Variants in TMED3 observed in about 807,000 individuals in gnomAD.
TMED3 encodes transmembrane emp24 domain-containing protein 3.
In TMED3, 9 loss-of-function variants were observed where a neutral mutation model predicts 15.0. That is an observed-to-expected ratio of 0.60 (90% CI 0.36 to 1.04). The LOEUF is 1.04. Among genes scored for constraint, TMED3 ranks in the 50% least tolerant of loss-of-function variants. The pLI is 0.01. For synonymous variants in TMED3, 117 were observed against 121.4 expected (o/e 0.96, Z 0.24); for missense variants, 267 against 278.9 (o/e 0.96, Z 0.30).
intron 2 of TMED3, among the ~76,000 whole-genome samples, chr15:79,331,126 G>T (rs2058806601): frequency 6.6e-6 from 1 of 152,120 alleles, no homozygotes; most frequent in African/African-American, 2.4e-5. Context: ...AGATTGTGAG[G>T]ACAGCACCAA....
chr15:79,388,761 T>C (rs1893660035), intron 2 of TMED3, among the ~76,000 whole-genome samples: 1 of 152,142 alleles, frequency 6.6e-6, no homozygotes, highest in East Asian at 1.9e-4. Context: ...ATATACTGTT[T>C]TTTGGTGTTT....
intron 2 of TMED3, among the ~76,000 whole-genome samples, chr15:79,375,083 A>G (rs1893401976): frequency 6.6e-6 from 1 of 152,206 alleles, no homozygotes; most frequent in Non-Finnish European, 1.5e-5. Flanking sequence ...TAAAGTCCTG[A>G]AAAAATGTCT....
chr15:79,352,296 C>T (rs533613841), intron 2 of TMED3, among the ~76,000 whole-genome samples: 3 of 152,292 alleles, frequency 2.0e-5, no homozygotes, highest in South Asian at 4.1e-4. Flanking sequence ...CTGGCTTCAT[C>T]CCCAGAAGGC....
At chr15:79,350,500 G>A (rs2058887713) in intron 2 of TMED3, among the ~76,000 whole-genome samples, 1 of 152,102 alleles carries the variant, frequency 6.6e-6, no homozygotes, top group South Asian at 2.1e-4. Flanking sequence ...GGGGTTTAAT[G>A]TTTGAGGGCA....
chr15:79,340,834 A>G (rs2141228592), intron 2 of TMED3, among the ~76,000 whole-genome samples: 1 of 152,314 alleles, frequency 6.6e-6, no homozygotes, highest in East Asian at 1.9e-4. Context: ...TCACTTATCA[A>G]GTATGAATTG....
intron 2 of TMED3, among the ~76,000 whole-genome samples, chr15:79,340,789 C>T (rs1182863389): frequency 6.6e-6 from 1 of 152,122 alleles, no homozygotes; most frequent in African/African-American, 2.4e-5. Flanking sequence ...ATACATCATT[C>T]CTTCATGTAT....
chr15:79,408,228 C>T (rs1250824534), intron 2 of TMED3, among the ~76,000 whole-genome samples: 2 of 152,218 alleles, frequency 1.3e-5, no homozygotes, highest in Non-Finnish European at 2.9e-5. Flanking sequence ...AGAGATCTTC[C>T]TTATGCAGGT....
At chr15:79,316,771 C>T (rs571669823) in intron 2 of TMED3, among the ~76,000 whole-genome samples, 3 of 152,196 alleles carry the variant, frequency 2.0e-5, no homozygotes, top group South Asian at 2.1e-4. Flanking sequence ...CTTAGCAGGG[C>T]GGAAGGTCAC....
intron 2 of TMED3, among the ~76,000 whole-genome samples, chr15:79,390,175 G>T (rs1336461259): frequency 6.6e-6 from 1 of 152,096 alleles, no homozygotes; most frequent in East Asian, 1.9e-4. Flanking sequence ...CCAGTTCTCA[G>T]AGGGAATGCT....
intron 2 of TMED3, among the ~76,000 whole-genome samples, chr15:79,367,497 C>T (rs1283994381): frequency 6.6e-6 from 1 of 152,196 alleles, no homozygotes; most frequent in African/African-American, 2.4e-5. Flanking sequence ...CTAATGCAAG[C>T]CCAAGTCCTA....
At chr15:79,313,678 G>A (rs765770098) in intron 1 of TMED3, 79 bp from the exon 2 acceptor site, 237 of 1,517,570 alleles carry the variant, frequency 1.6e-4, no homozygotes, top group Non-Finnish European at 1.9e-4. Context: ...TGTTTGTAGA[G>A]TCTGATCACA....
intron 2 of TMED3, among the ~76,000 whole-genome samples, chr15:79,371,520 A>T (rs1166296957): frequency 6.6e-6 from 1 of 152,172 alleles, no homozygotes; most frequent in African/African-American, 2.4e-5. Context: ...AGAATGGGAG[A>T]AATTTCTCAA....
intron 2 of TMED3, among the ~76,000 whole-genome samples, chr15:79,329,845 A>G (rs1470830500): frequency 6.6e-6 from 1 of 152,178 alleles, no homozygotes; most frequent in Non-Finnish European, 1.5e-5. Context: ...GTGGACCACA[A>G]TTTTTTTAAG....
chr15:79,399,611 C>T (rs1893808390), intron 2 of TMED3, among the ~76,000 whole-genome samples: 1 of 152,134 alleles, frequency 6.6e-6, no homozygotes, highest in South Asian at 2.1e-4. Context: ...GAAATGTGTC[C>T]TTTATCCGGC....
chr15:79,325,130 TCTAA>T (rs977886685), downstream of TMED3, among the ~76,000 whole-genome samples: 1 of 152,222 alleles, frequency 6.6e-6, no homozygotes, highest in African/African-American at 2.4e-5. Context: ...GACCTCTGAC[TCTAA>T]CTGAGGTTCT....
chr15:79,375,538 C>G (rs945910618), intron 2 of TMED3, among the ~76,000 whole-genome samples: 2 of 152,152 alleles, frequency 1.3e-5, no homozygotes, highest in Non-Finnish European at 2.9e-5. Context: ...AGAGTATCCA[C>G]TTCTGGGGAG....
At chr15:79,353,372 TAA>T (rs1431211821) in intron 2 of TMED3, among the ~76,000 whole-genome samples, 1 of 119,786 alleles carries the variant, frequency 8.3e-6, no homozygotes, top group East Asian at 2.3e-4. Flanking sequence ...AAAATATATA[TAA>T]TATATATAAA....
chr15:79,317,997 G>C (rs1237151929), intron 2 of TMED3, among the ~76,000 whole-genome samples: 1 of 152,184 alleles, frequency 6.6e-6, no homozygotes, highest in African/African-American at 2.4e-5. Context: ...GCCCTTTACT[G>C]TGAGCTTCCA....
At chr15:79,364,204 C>T (rs1459714594) in intron 2 of TMED3, among the ~76,000 whole-genome samples, 1 of 152,122 alleles carries the variant, frequency 6.6e-6, no homozygotes, top group African/African-American at 2.4e-5. Context: ...GACTGGGTTC[C>T]CTATTTGTAT....
Sources: allele counts gnomAD v4.1 joint callset (sites outside exome capture counted in the v4.1 genomes callset), GRCh38; gene constraint gnomAD v4.1.1; transcripts MANE v1.5; gene names NCBI Gene and HGNC (gene_info 2026-07-23, HGNC 2026-07-21).